Variants in SH3BP4 observed in about 807,000 individuals in gnomAD.
SH3BP4 encodes the protein SH3 domain binding protein 4.
SH3BP4 carries 33 observed loss-of-function variants against 65.5 expected under a neutral mutation model. That is an observed-to-expected ratio of 0.50 (90% CI 0.38 to 0.67). SH3BP4 has a LOEUF of 0.67. Among genes scored for constraint, SH3BP4 ranks in the 30% least tolerant of loss-of-function variants. The pLI is 0.00. For missense variants in SH3BP4, 1,134 were observed against 1,261.4 expected (o/e 0.90, Z 1.53); for synonymous variants, 552 against 545.5 (o/e 1.01, Z -0.17).
At chr2:234,966,014 T>C (rs1692826588) in intron 1 of SH3BP4, among the ~76,000 whole-genome samples, 1 of 152,304 alleles carries the variant, frequency 6.6e-6, no homozygotes, top group East Asian at 1.9e-4. Context: ...AGGTTGAGGA[T>C]GGTCATCTCC....
chr2:235,016,399 G>A (rs1006856633), intron 2 of SH3BP4, among the ~76,000 whole-genome samples: 1 of 152,164 alleles, frequency 6.6e-6, no homozygotes, highest in Non-Finnish European at 1.5e-5. Flanking sequence ...CTTAGAAAGG[G>A]AACACTTTCC....
chr2:234,996,256 T>G (rs566609594), intron 2 of SH3BP4, among the ~76,000 whole-genome samples: 1 of 152,194 alleles, frequency 6.6e-6, no homozygotes, highest in Non-Finnish European at 1.5e-5. Context: ...CTGGGCCACG[T>G]TGGAATTTTA....
At chr2:235,022,645 G>A (rs1462211952) in intron 2 of SH3BP4, among the ~76,000 whole-genome samples, 2 of 152,218 alleles carry the variant, frequency 1.3e-5, no homozygotes, top group African/African-American at 4.8e-5. Flanking sequence ...TGTCAGATAA[G>A]CAAGGCTTTT....
intron 2 of SH3BP4, among the ~76,000 whole-genome samples, chr2:235,019,361 G>C (rs1389957092): frequency 6.6e-6 from 1 of 152,076 alleles, no homozygotes; most frequent in African/African-American, 2.4e-5. Flanking sequence ...CTGGATTGGG[G>C]GCAGAAGAAA....
intron 2 of SH3BP4, among the ~76,000 whole-genome samples, chr2:235,018,824 G>A (rs1488669742): frequency 3.3e-5 from 5 of 152,192 alleles, no homozygotes; most frequent in Non-Finnish European, 7.3e-5. Flanking sequence ...CTTCCAGAGG[G>A]AGCCAGGAAA....
At position 234,997,940 on chromosome 2, in the gene SH3BP4, G is replaced by T. The variant is rs1349160202; in HGVS notation, c.-133+2564G>T. On this transcript the variant is annotated intron_variant, in intron 2 of 5. Transcript: ENST00000392011. This position sits in a 1 kb window ranked among gnomAD's most constrained non-coding sequence, Gnocchi z 4.2. ...GATCAAGACCATCCTGTCTAACACG[G>T]TGAAACCCTGTCTCTACTAAAAATA... Among the ~76,000 whole-genome samples the T allele has an allele frequency of 6.6e-6, 1 of 152,026 alleles. No homozygotes were observed. The highest frequency in any genetic ancestry group is 6.6e-5 in the Admixed American group (1 of 15,256).
chr2:235,024,054 T>C (rs1438990920), intron 2 of SH3BP4, among the ~76,000 whole-genome samples: 1 of 152,248 alleles, frequency 6.6e-6, no homozygotes, highest in Non-Finnish European at 1.5e-5. Context: ...TTTTCATTGC[T>C]TTTTTGCTCT....
chr2:235,041,853 C>A lies in SH3BP4; in HGVS notation c.1084C>A (p.Pro362Thr), dbSNP rs201333243. The A allele has an allele frequency of 2.5e-6, 4 of 1,607,394 alleles. No homozygotes were observed. The highest frequency in any genetic ancestry group is 1.3e-5 in the African/African-American group (1 of 74,756). The change falls in exon 4 of 6, where the codon CCC (proline) becomes ACC (threonine). Residue 362 changes from proline to threonine, a missense_variant. Transcript: ENST00000392011. This position sits in a 1 kb window ranked among gnomAD's most constrained non-coding sequence, Gnocchi z 6.0. ...GATCTCCATGAAAGCCCTGCTGGAC[C>A]CCCCGCTGGAGCTCAACAGTGACAG... ...QQISMKALLD[P>T]PLELNSDRSC...
chr2:234,971,063 C>T (rs6754925), intron 1 of SH3BP4, among the ~76,000 whole-genome samples: 40,023 of 152,028 alleles, frequency 0.26, 7,916 homozygotes, highest in East Asian at 0.73. Flanking sequence ...TGTTATCATC[C>T]TAACCATCTG....
At chr2:235,038,339 GTATATATATTT>G (rs1559254410) in intron 3 of SH3BP4, among the ~76,000 whole-genome samples, 1,626 of 12,078 alleles carry the variant, frequency 0.13, 220 homozygotes, top group African/African-American at 0.27. Flanking sequence ...ATTATATATA[GTATATATATTT>G]TATATATATA....
intron 1 of SH3BP4, among the ~76,000 whole-genome samples, chr2:234,972,558 CTACAAAAAAA>C (rs1391333753): frequency 6.6e-6 from 1 of 151,892 alleles, no homozygotes; most frequent in African/African-American, 2.4e-5. Context: ...AACCCTGTCT[CTACAAAAAAA>C]TACAAAAAAT....
chr2:235,044,419 C>T (rs535235420), intron 4 of SH3BP4, among the ~76,000 whole-genome samples: 10 of 152,358 alleles, frequency 6.6e-5, no homozygotes, highest in South Asian at 2.1e-4. Flanking sequence ...TAGCCATATC[C>T]GTGTCCTGGC....
intron 1 of SH3BP4, among the ~76,000 whole-genome samples, chr2:234,957,249 C>T (rs1692608589): frequency 6.6e-6 from 1 of 152,040 alleles, no homozygotes; most frequent in Non-Finnish European, 1.5e-5. Context: ...GAACTCCTGA[C>T]CTCAGGTGAA....
rs1693123957 is a variant in SH3BP4 at position 234,974,878 on chromosome 2, G to C, written c.-206-20425G>C. ...GTGCTGCAGGTCGCGTTTCACCCTG[G>C]CACGCCCTGCCTGCCCCGTTACGTG... On this transcript the variant is annotated intron_variant, in intron 1 of 5. Transcript: ENST00000392011. The surrounding 1 kb of genome is among the most constrained non-coding windows in gnomAD (Gnocchi z 4.6). 6.6e-6 allele frequency among the ~76,000 whole-genome samples: 1 copy of C among 152,106 alleles called. No homozygotes were observed. The highest frequency in any genetic ancestry group is 1.5e-5 in the Non-Finnish European group (1 of 68,010).
chr2:234,997,033 G>A lies in SH3BP4; in HGVS notation c.-133+1657G>A, dbSNP rs1693944594. On this transcript the variant is annotated intron_variant, in intron 2 of 5. Coordinates refer to ENST00000392011, the MANE Select transcript of SH3BP4 (RefSeq NM_014521.3). This position sits in a 1 kb window ranked among gnomAD's most constrained non-coding sequence, Gnocchi z 4.2. ...GTGCCGCCATCCCACAGCGGTGCCC[G>A]CTTGTCTCCGTGGCGGGCACACAGG... Among the ~76,000 whole-genome samples, 2 of 152,214 alleles carry A rather than the reference G, an allele frequency of 1.3e-5. No homozygotes were observed. Among genetic ancestry groups the A allele is most frequent in the Non-Finnish European group, 2.9e-5 (2 of 68,038 alleles).
intron 2 of SH3BP4, among the ~76,000 whole-genome samples, chr2:235,015,774 T>C (rs1694669075): frequency 6.6e-6 from 1 of 152,066 alleles, no homozygotes; most frequent in South Asian, 2.1e-4. Flanking sequence ...GGGAGGCTGG[T>C]TATTTAATGT....
At chr2:235,027,234 C>T (rs182595590) in intron 2 of SH3BP4, among the ~76,000 whole-genome samples, 3 of 152,202 alleles carry the variant, frequency 2.0e-5, no homozygotes, top group Non-Finnish European at 4.4e-5. Flanking sequence ...GACTAGGAGG[C>T]AGATTTCCGT....
In SH3BP4 at chr2:234,973,325, G is replaced by A. The variant is rs189243892; in HGVS notation, c.-207+21155G>A. Reference sequence around the variant, plus strand: ...TTTCAGTGCTGTTTCGTGACCCCTCGCTGATGGAACACAGTGGTTCACCTA... The same window carrying A: ...TTTCAGTGCTGTTTCGTGACCCCTCACTGATGGAACACAGTGGTTCACCTA... On this transcript the variant is annotated intron_variant, in intron 1 of 5. Transcript: ENST00000392011. Among the ~76,000 whole-genome samples the A allele has an allele frequency of 2.4e-4, 36 of 152,200 alleles. No individual in the cohort carries two copies. The East Asian group carries it at 5.2e-3, about 22-fold the overall frequency.
At chr2:235,032,669 G>A (rs1695242122) in intron 2 of SH3BP4, among the ~76,000 whole-genome samples, 1 of 152,134 alleles carries the variant, frequency 6.6e-6, no homozygotes. Context: ...CGCAGGCTGT[G>A]CATTCAGAGC....
Sources: gnomAD v4.1 joint callset for allele counts (sites outside exome capture counted in the v4.1 genomes callset) on GRCh38, gnomAD v4.1.1 for gene constraint, Gnocchi (gnomAD v3.1) non-coding constraint, MANE v1.5 for transcripts, NCBI Gene and HGNC (gene_info 2026-07-23, HGNC 2026-07-21) for gene names.